The following ETFA variants were observed in gnomAD, a reference collection of about 807,000 sequenced individuals.
The protein encoded by ETFA is electron transfer flavoprotein subunit alpha, mitochondrial.
In ETFA, 22 loss-of-function variants were observed where a neutral mutation model predicts 46.2. That is an observed-to-expected ratio of 0.48 (90% CI 0.34 to 0.68). ETFA has a LOEUF of 0.68. Among genes scored for constraint, ETFA ranks in the 30% least tolerant of loss-of-function variants. The pLI, the probability that ETFA is intolerant of heterozygous loss-of-function variation, is 0.01. For missense variants in ETFA, 345 were observed against 401.1 expected (o/e 0.86, Z 1.19); for synonymous variants, 131 against 139.9 (o/e 0.94, Z 0.45).
chr15:76,292,494 A>G lies in ETFA; in HGVS notation c.288T>C (p.Ile96=), dbSNP rs372567976. 2.5e-6 allele frequency: 4 copies of G among 1,613,556 alleles called. No homozygotes were observed. The African/African-American group carries it at 5.3e-5, about 22-fold the overall frequency. The change falls in exon 4 of 12, where the codon ATT becomes ATC. Residue 96 remains isoleucine (I), a synonymous_variant. Transcript: ENST00000557943. ...AATTGAACTGCTTCTGAGTTGCCAAAATCAATGGTGTCAGTTCCTCTGAGA... is the reference window on the plus strand; with the variant it reads ...AATTGAACTGCTTCTGAGTTGCCAAGATCAATGGTGTCAGTTCCTCTGAGA... The part of the protein sequence containing the change: ...GLLPEELTPL[I]LATQKQFNYT...
At chr15:76,227,177 C>G (rs2039012730) in intron 10 of ETFA, among the ~76,000 whole-genome samples, 2 of 152,044 alleles carry the variant, frequency 1.3e-5, no homozygotes, top group African/African-American at 4.8e-5. Flanking sequence ...GTGGGAGGAT[C>G]ACTTCAGCCC....
At chr15:76,254,076 A>G (rs535518052) in intron 9 of ETFA, among the ~76,000 whole-genome samples, 10 of 152,372 alleles carry the variant, frequency 6.6e-5, no homozygotes, top group African/African-American at 2.4e-4. Flanking sequence ...AGCCCAGCAT[A>G]TATCTCCATT....
intron 7 of ETFA, among the ~76,000 whole-genome samples, chr15:76,284,202 G>A (rs188881077): frequency 1.3e-5 from 2 of 152,306 alleles, no homozygotes; most frequent in Admixed American, 1.3e-4. Flanking sequence ...TTGAATGGGA[G>A]TCATCTCAAG....
intron 11 of ETFA, among the ~76,000 whole-genome samples, chr15:76,222,858 A>T (rs2038971278): frequency 6.7e-6 from 1 of 149,944 alleles, no homozygotes; most frequent in South Asian, 2.1e-4. Context: ...TTTTTGAGAC[A>T]GGGTCTTACT....
intron 2 of ETFA, among the ~76,000 whole-genome samples, chr15:76,293,840 C>T (rs1255394974): frequency 6.6e-6 from 1 of 152,232 alleles, no homozygotes; most frequent in Non-Finnish European, 1.5e-5. Context: ...ACTACAGAGG[C>T]CCTTTATTAT....
intron 8 of ETFA, 71 bp from the exon 9 acceptor site, chr15:76,274,565 C>T: frequency 8.5e-7 from 1 of 1,177,586 alleles, no homozygotes; most frequent in Non-Finnish European, 1.2e-6. Flanking sequence ...TCACTGATAA[C>T]TGTAAACAAA....
chr15:76,288,920 C>CTTTTTT (rs35295593), intron 4 of ETFA, among the ~76,000 whole-genome samples: 63,525 of 109,730 alleles, frequency 0.58, 20,188 homozygotes, highest in Non-Finnish European at 0.67. Context: ...TCTTCTTCTT[C>CTTTTTT]TTTTTTTTTT....
At chr15:76,266,467 A>C (rs2039471553) in intron 9 of ETFA, among the ~76,000 whole-genome samples, 1 of 152,236 alleles carries the variant, frequency 6.6e-6, no homozygotes, top group South Asian at 2.1e-4. Context: ...TGTGCAGCTG[A>C]AACTAGGGAA....
intron 9 of ETFA, chr15:76,259,408 G>A (rs2039378859): frequency 1.5e-6 from 2 of 1,300,404 alleles, no homozygotes; most frequent in Non-Finnish European, 2.2e-6. Flanking sequence ...AGGAGACCTT[G>A]GCTTGGATGG....
chr15:76,283,111 T>C (rs545329038), intron 8 of ETFA, among the ~76,000 whole-genome samples: 5 of 152,326 alleles, frequency 3.3e-5, no homozygotes, highest in East Asian at 1.9e-4. Flanking sequence ...ATAAGAGTTA[T>C]ATTAAGACCA....
chr15:76,280,929 T>TTC (rs1251965604), intron 8 of ETFA, among the ~76,000 whole-genome samples: 1 of 148,742 alleles, frequency 6.7e-6, no homozygotes, highest in African/African-American at 2.5e-5. Context: ...TTTTTTTTTT[T>TTC]TTTTTTTTCA....
intron 11 of ETFA, among the ~76,000 whole-genome samples, chr15:76,223,143 C>A (rs1471594761): frequency 6.6e-6 from 1 of 151,358 alleles, no homozygotes; most frequent in Non-Finnish European, 1.5e-5. Flanking sequence ...GCCTCCCAAA[C>A]TGCATTTTTT....
chr15:76,309,821 G>A (rs971192274), intron 1 of ETFA: 1 of 152,104 alleles, frequency 6.6e-6, no homozygotes, highest in African/African-American at 2.4e-5. Context: ...ATCCCCAACC[G>A]GGAGAAAACA....
chr15:76,264,104 G>A (rs1052338999), intron 9 of ETFA, among the ~76,000 whole-genome samples: 2 of 152,166 alleles, frequency 1.3e-5, no homozygotes, highest in African/African-American at 4.8e-5. Context: ...AGCTAATTGG[G>A]CCACTCTTCC....
At chr15:76,226,331 T>C (rs2039004198) in intron 10 of ETFA, 1 of 199,454 alleles carries the variant, frequency 5.0e-6, no homozygotes. Flanking sequence ...ATACCTGTAA[T>C]CCCAGCACTT....
In ETFA at chr15:76,216,534, T is replaced by C. The variant is rs770017562; in HGVS notation, c.*25A>G. 1.4e-6 allele frequency: 2 copies of C among 1,410,052 alleles called. No individual in the cohort carries two copies. The highest frequency in any genetic ancestry group is 3.4e-5 in the Admixed American group (2 of 59,582). The allele number at this position is 1,410,052 out of a possible 1,614,324, so 87.3% of individuals were successfully genotyped here. On this transcript the variant is annotated 3_prime_UTR_variant, in exon 12 of 12. Coordinates refer to ENST00000557943, the MANE Select transcript of ETFA (RefSeq NM_000126.4). Reference sequence around the variant, plus strand: ...TTCAGTGGAATACTTTAACAAAAGTTTTCTTTTTAAGGCATGATCCTGATT... The same window carrying C: ...TTCAGTGGAATACTTTAACAAAAGTCTTCTTTTTAAGGCATGATCCTGATT...
At chr15:76,300,852 C>G (rs1247985893) in intron 1 of ETFA, among the ~76,000 whole-genome samples, 2 of 152,166 alleles carry the variant, frequency 1.3e-5, no homozygotes, top group Non-Finnish European at 2.9e-5. Context: ...ACACATTGCT[C>G]CCTCTGCCTA....
chr15:76,267,406 C>T (rs2039480710), intron 9 of ETFA, among the ~76,000 whole-genome samples: 1 of 152,186 alleles, frequency 6.6e-6, no homozygotes, highest in Non-Finnish European at 1.5e-5. Context: ...TATTAATTCG[C>T]AAGAATGGCA....
At chr15:76,273,438 C>G (rs2039560028) in intron 9 of ETFA, among the ~76,000 whole-genome samples, 1 of 152,004 alleles carries the variant, frequency 6.6e-6, no homozygotes, top group Non-Finnish European at 1.5e-5. Flanking sequence ...CGCCTGTAAT[C>G]CCAGCCACTT....
Sources: allele counts gnomAD v4.1 joint callset (sites outside exome capture counted in the v4.1 genomes callset), GRCh38; gene constraint gnomAD v4.1.1; transcripts MANE v1.5; gene names NCBI Gene and HGNC (gene_info 2026-07-23, HGNC 2026-07-21).